LINGO2: variants seen among roughly 807,000 people sequenced by gnomAD.
LINGO2 encodes leucine rich repeat and Ig domain containing 2.
A neutral mutation model predicts 30.6 loss-of-function variants in LINGO2; 14 were observed. The ratio of observed to expected loss-of-function variants is 0.46; its 90% CI spans 0.30 to 0.72. The LOEUF is 0.72. LINGO2 is among the 30% of genes least tolerant of loss of function. The pLI, the probability that LINGO2 is intolerant of heterozygous loss-of-function variation, is 0.07. For missense variants in LINGO2, 729 were observed against 751.7 expected, an observed-to-expected ratio of 0.97 and a Z score of 0.35; for synonymous variants, 317 against 288.5, an observed-to-expected ratio of 1.10 and a Z score of -1.00.
intron 1 of LINGO2, among the ~76,000 whole-genome samples, chr9:28,566,200 A>C (rs1823372609): frequency 6.6e-6 from 1 of 152,124 alleles, no homozygotes; most frequent in Non-Finnish European, 1.5e-5. Flanking sequence ...TTCTGCAACA[A>C]AGGGGACAAC....
At chr9:28,361,324 C>T (rs777597854) in intron 3 of LINGO2, among the ~76,000 whole-genome samples, 11 of 152,072 alleles carry the variant, frequency 7.2e-5, no homozygotes, top group Non-Finnish European at 1.5e-4. Flanking sequence ...TAAACTTTTT[C>T]ATAGGTATGT....
intron 5 of LINGO2, among the ~76,000 whole-genome samples, chr9:27,960,084 G>T (rs1587542391): frequency 6.6e-6 from 1 of 151,842 alleles, no homozygotes; most frequent in East Asian, 1.9e-4. Context: ...TTTCATTTTG[G>T]TTCATTCCTT....
At chr9:28,997,778 G>A in the LINGO2 span, among the ~76,000 whole-genome samples, 6 of 151,902 alleles carry the variant, frequency 3.9e-5, no homozygotes, top group Non-Finnish European at 5.9e-5. Context: ...AGCCGAGATC[G>A]TGCCACTGCA....
chr9:28,654,659 G>T (rs528777846), intron 1 of LINGO2, among the ~76,000 whole-genome samples: 1 of 152,100 alleles, frequency 6.6e-6, no homozygotes, highest in Non-Finnish European at 1.5e-5. Flanking sequence ...GAGGTTTATG[G>T]TTGCCTCATA....
chr9:28,849,805 C>T, the LINGO2 span, among the ~76,000 whole-genome samples: 1 of 152,040 alleles, frequency 6.6e-6, no homozygotes, highest in Non-Finnish European at 1.5e-5. Context: ...CAGGAAATCT[C>T]CTGACCTATT....
chr9:28,987,279 G>A, the LINGO2 span, among the ~76,000 whole-genome samples: 2 of 151,686 alleles, frequency 1.3e-5, no homozygotes, highest in Non-Finnish European at 2.9e-5. Flanking sequence ...TTGGTAGGTT[G>A]TATGTGTCTA....
At chr9:28,548,158 T>C (rs2135489141) in intron 1 of LINGO2, among the ~76,000 whole-genome samples, 1 of 152,114 alleles carries the variant, frequency 6.6e-6, no homozygotes, top group Non-Finnish European at 1.5e-5. Flanking sequence ...TTTCAAGAAG[T>C]TCAAATCCTT....
intron 1 of LINGO2, among the ~76,000 whole-genome samples, chr9:28,539,589 T>C: frequency 6.6e-6 from 1 of 152,144 alleles, no homozygotes; most frequent in East Asian, 1.9e-4. Context: ...GTGTTACCTG[T>C]TTGAGCTAGA....
chr9:29,060,526 A>T, the LINGO2 span, among the ~76,000 whole-genome samples: 2 of 152,162 alleles, frequency 1.3e-5, no homozygotes, highest in East Asian at 1.9e-4. Flanking sequence ...CACAATCCAA[A>T]TTTTTTCAAA....
chr9:28,985,617 T>C, the LINGO2 span, among the ~76,000 whole-genome samples: 1 of 152,154 alleles, frequency 6.6e-6, no homozygotes, highest in South Asian at 2.1e-4. Context: ...TAATTGGTGA[T>C]GTGGAGCATT....
chr9:28,759,605 C>A, the LINGO2 span, among the ~76,000 whole-genome samples: 1 of 151,782 alleles, frequency 6.6e-6, no homozygotes, highest in African/African-American at 2.4e-5. Flanking sequence ...TGGCGTGAAC[C>A]CGGGAGGCGG....
intron 4 of LINGO2, among the ~76,000 whole-genome samples, chr9:28,143,477 A>G (rs1318829764): frequency 6.6e-6 from 1 of 152,168 alleles, no homozygotes; most frequent in African/African-American, 2.4e-5. Context: ...TGTCTGTTTC[A>G]AGTAGCACAG....
rs1827330900 is a variant in LINGO2, at chr9:28,129,695, C to T, written c.-86-117290G>A. The T allele has an allele frequency of 6.6e-6, 1 of 152,156 alleles. No individual in the cohort carries two copies. Among genetic ancestry groups the T allele is most frequent in the African/African-American group, 2.4e-5 (1 of 41,444 alleles). The allele number at this position is 152,156 out of a possible 1,614,324, so 9.4% of individuals were successfully genotyped here. ...CCAAATTAGTTTTTATTAGTGGTCC[C>T]ATTGTAAATTTGAAAATTTCATTGC... On this transcript the variant is annotated intron_variant, in intron 4 of 5. Coordinates refer to ENST00000379992, the Ensembl canonical transcript of LINGO2. The surrounding 1 kb of genome is among the most constrained non-coding windows in gnomAD (Gnocchi z 4.0).
intron 1 of LINGO2, among the ~76,000 whole-genome samples, chr9:28,517,169 CT>C (rs201058627): frequency 1.3e-5 from 2 of 152,066 alleles, no homozygotes; most frequent in East Asian, 1.9e-4. Flanking sequence ...ACAGAAAGGT[CT>C]TTCTTACAGA....
downstream of LINGO2, among the ~76,000 whole-genome samples, chr9:27,946,146 A>T (rs1334749539): frequency 6.6e-6 from 1 of 152,134 alleles, no homozygotes; most frequent in East Asian, 1.9e-4. Flanking sequence ...CTTTCTGCTC[A>T]TATAAATTAG....
intron 1 of LINGO2, among the ~76,000 whole-genome samples, chr9:28,567,425 C>A (rs7029642): frequency 0.077 from 11,637 of 151,928 alleles, 665 homozygotes; most frequent in African/African-American, 0.16. Context: ...CTGGATTAAA[C>A]AAAAAGTGGT....
intron 4 of LINGO2, among the ~76,000 whole-genome samples, chr9:28,013,724 A>G (rs1290345804): frequency 6.6e-6 from 1 of 152,216 alleles, no homozygotes; most frequent in African/African-American, 2.4e-5. Context: ...TGTTTCCCAC[A>G]AAGATATTTC....
intron 4 of LINGO2, among the ~76,000 whole-genome samples, chr9:28,247,389 T>C (rs1452525560): frequency 6.6e-6 from 1 of 152,174 alleles, no homozygotes; most frequent in East Asian, 1.9e-4. Flanking sequence ...GAAAATGTGG[T>C]ACATATAAAC....
chr9:29,128,265 G>A, the LINGO2 span, among the ~76,000 whole-genome samples: 2 of 151,720 alleles, frequency 1.3e-5, no homozygotes, highest in Non-Finnish European at 2.9e-5. Flanking sequence ...TCTCCAAAGG[G>A]GATGCCCTAG....
Sources: gnomAD v4.1 joint callset for allele counts (sites outside exome capture counted in the v4.1 genomes callset) on GRCh38, gnomAD v4.1.1 for gene constraint, Gnocchi (gnomAD v3.1) non-coding constraint, MANE v1.5 for transcripts, NCBI Gene and HGNC (gene_info 2026-07-23, HGNC 2026-07-21) for gene names.